DHRS4L2: variants seen among roughly 807,000 people sequenced by gnomAD.
DHRS4L2 encodes the protein dehydrogenase/reductase SDR family member 4-like 2.
A neutral mutation model predicts 23.9 loss-of-function variants in DHRS4L2; 22 were observed. That is an observed-to-expected ratio of 0.92 (90% CI 0.66 to 1.31). The LOEUF is 1.31. Ranked by LOEUF, DHRS4L2 falls within the 40% of genes most tolerant of loss-of-function variation. The probability of loss-of-function intolerance (pLI) is 0.00; values close to 1 mark genes in which losing one functional copy is unlikely to be tolerated. For synonymous variants in DHRS4L2, 141 were observed against 123.7 expected, an observed-to-expected ratio of 1.14 and a Z score of -0.93; for missense variants, 385 against 303.3, an observed-to-expected ratio of 1.27 and a Z score of -2.00.
At chr14:23,999,297 G>A (rs1346243376) in intron 3 of DHRS4L2, among the ~76,000 whole-genome samples, 1 of 125,130 alleles carries the variant, frequency 8.0e-6, no homozygotes, top group Non-Finnish European at 1.6e-5. Flanking sequence ...CATGCAATTG[G>A]AAAAATGGCT....
intron 1 of DHRS4L2, among the ~76,000 whole-genome samples, chr14:23,976,022 A>T (rs1453768093): frequency 6.6e-6 from 1 of 151,452 alleles, no homozygotes; most frequent in African/African-American, 2.4e-5. Flanking sequence ...AAACCTAGAC[A>T]GTACCATTCA....
intron 7 of DHRS4L2, chr14:24,004,630 G>A (rs2034539397): frequency 1.4e-6 from 1 of 713,502 alleles, no homozygotes; most frequent in Admixed American, 2.1e-5. Flanking sequence ...TCTCGGAGAA[G>A]CCCTGAGTCC....
At position 23,995,041 on chromosome 14, in the gene DHRS4L2, C is replaced by A. The variant is rs988891480; in HGVS notation, c.316C>A (p.Leu106Ile). 1.5e-5 allele frequency: 24 copies of A among 1,612,832 alleles called. No homozygotes were observed. In the African/African-American group the frequency reaches 1.7e-4, roughly 12 times the overall value. The change falls in exon 3 of 8, where the codon CTT (leucine) becomes ATT (isoleucine). Residue 106 changes from leucine to isoleucine, a missense_variant. Leu to Ile is a conservative substitution (Grantham distance 5). Coordinates refer to ENST00000335125, the MANE Select transcript of DHRS4L2 (RefSeq NM_198083.4). ...TTACCCCTCTCTCTAGGCTGTGAAG[C>A]TTCATGGAGGTATCGATATCCTAGT... The part of the protein sequence containing the change: ...RERLVAMAVK[L>I]HGGIDILVSN...
chr14:24,001,116 C>T, intron 5 of DHRS4L2, 32 bp downstream of exon 5: 3 of 1,610,014 alleles, frequency 1.9e-6, no homozygotes, highest in South Asian at 1.1e-5. Flanking sequence ...TCTTCCATCC[C>T]ACCCTCCACT....
chr14:23,987,937 G>C (rs1039181404), upstream of DHRS4L2, among the ~76,000 whole-genome samples: 5 of 151,632 alleles, frequency 3.3e-5, no homozygotes, highest in East Asian at 7.7e-4. Context: ...CCAGGAGGGA[G>C]ATCATTTCAG....
chr14:23,973,078 A>G (rs757248602), intron 1 of DHRS4L2, among the ~76,000 whole-genome samples: 2 of 151,734 alleles, frequency 1.3e-5, no homozygotes, highest in African/African-American at 4.9e-5. Flanking sequence ...CAGGCAGGAG[A>G]CAGTGGCCTT....
chr14:24,002,169 C>A (rs2138562434), intron 6 of DHRS4L2, among the ~76,000 whole-genome samples: 1 of 82,706 alleles, frequency 1.2e-5, no homozygotes, highest in South Asian at 4.2e-4. Context: ...GTGTGATATT[C>A]CCCTTCCTGT....
At chr14:23,972,383 T>A (rs1355833317) in intron 1 of DHRS4L2, among the ~76,000 whole-genome samples, 1 of 152,004 alleles carries the variant, frequency 6.6e-6, no homozygotes, top group Admixed American at 6.5e-5. Context: ...TCTGGAGTTG[T>A]TCATTCCTCC....
rs775968672 is a variant in DHRS4L2 at position 23,995,069 on chromosome 14, C to G, written c.344C>G (p.Ser115Cys). ...KLHGGIDILV[S>C]NAAVNPFFGS... Reference sequence around the variant, plus strand: ...CATGGAGGTATCGATATCCTAGTCTCCAATGCTGCTGTCAACCCTTTCTTT... The same window carrying G: ...CATGGAGGTATCGATATCCTAGTCTGCAATGCTGCTGTCAACCCTTTCTTT... The change falls in exon 3 of 8, where the codon TCC becomes TGC. Residue 115 changes from serine (S) to cysteine (C), a missense_variant. Ser to Cys is a moderately radical substitution (Grantham distance 112). Coordinates refer to ENST00000335125, the MANE Select transcript of DHRS4L2 (RefSeq NM_198083.4). 3.4e-5 allele frequency: 55 copies of G among 1,612,918 alleles called. 1 individual carries two copies. Among genetic ancestry groups the G allele is most frequent in the Non-Finnish European group, 4.2e-5 (50 of 1,179,520 alleles).
intron 3 of DHRS4L2, among the ~76,000 whole-genome samples, chr14:23,997,620 C>T (rs530016231): frequency 6.8e-5 from 10 of 146,962 alleles, no homozygotes; most frequent in East Asian, 4.0e-4. Context: ...CAAGAAACCA[C>T]TTTCTTTGCT....
At chr14:23,999,942 A>C (rs2034454591) in intron 3 of DHRS4L2, among the ~76,000 whole-genome samples, 1 of 132,220 alleles carries the variant, frequency 7.6e-6, no homozygotes, top group South Asian at 2.3e-4. Context: ...TGATCCACCC[A>C]TCTTGGCCTC....
chr14:23,989,261 C>T lies in DHRS4L2; in HGVS notation c.128+186C>T, dbSNP rs1041621629. ...ATACCCTGGCCCTCCCTTGCCAGCC[C>T]TTCTGTCCCTGCTGCCTCTGGCACA... On this transcript the variant is annotated intron_variant, in intron 1 of 7. Transcript: ENST00000335125. Among the ~76,000 whole-genome samples, 57 of 151,054 alleles carry T rather than the reference C, an allele frequency of 3.8e-4. 1 individual carries two copies. The highest frequency in any genetic ancestry group is 1.2e-3 in the African/African-American group (50 of 41,092).
At chr14:23,990,667 T>A (rs2034251273) in intron 2 of DHRS4L2, 1 of 1,155,394 alleles carries the variant, frequency 8.7e-7, no homozygotes, top group Non-Finnish European at 1.1e-6. Flanking sequence ...ACCCATGAGC[T>A]AATAAACATT....
At chr14:23,994,979 T>C (rs2034349399) in intron 2 of DHRS4L2, 53 bp from the exon 3 acceptor site, 1 of 1,602,680 alleles carries the variant, frequency 6.2e-7, no homozygotes, top group East Asian at 2.2e-5. Flanking sequence ...CATGGGTAAA[T>C]GCACCTCCCT....
At chr14:23,986,507 T>TAA (rs33932387), upstream of DHRS4L2, among the ~76,000 whole-genome samples, 1,063 of 133,708 alleles carry the variant, frequency 8.0e-3, 29 homozygotes, top group African/African-American at 0.027. Context: ...TAAAGTATAA[T>TAA]AAAAAAAAAA....
upstream of DHRS4L2, chr14:23,988,817 C>G (rs2034201069): frequency 4.9e-6 from 7 of 1,418,048 alleles, no homozygotes; most frequent in South Asian, 9.1e-5. Context: ...CCAACCGCCA[C>G]AGACGACTCC....
At chr14:23,974,569 C>T (rs1218141616) in intron 1 of DHRS4L2, among the ~76,000 whole-genome samples, 1 of 151,726 alleles carries the variant, frequency 6.6e-6, no homozygotes, top group African/African-American at 2.4e-5. Flanking sequence ...AAGGGGATAT[C>T]ACCAGTGATC....
intron 7 of DHRS4L2, 83 bp downstream of exon 7, chr14:24,004,475 A>G (rs2034537182): frequency 6.7e-7 from 1 of 1,493,826 alleles, no homozygotes; most frequent in African/African-American, 1.6e-5. Context: ...CCGCTGTCTC[A>G]GTCCCACAGA....
chr14:23,984,748 A>C (rs1327605373), upstream of DHRS4L2, among the ~76,000 whole-genome samples: 1 of 141,526 alleles, frequency 7.1e-6, no homozygotes, highest in Non-Finnish European at 1.5e-5. Flanking sequence ...CAGAGGTTGC[A>C]GTGAGCCAAG....
Sources: allele counts gnomAD v4.1 joint callset (sites outside exome capture counted in the v4.1 genomes callset), GRCh38; gene constraint gnomAD v4.1.1; transcripts MANE v1.5; gene names NCBI Gene and HGNC (gene_info 2026-07-23, HGNC 2026-07-21).